Variants in ZNF536 observed in about 807,000 individuals in gnomAD.
ZNF536 encodes the protein zinc finger protein 536.
In ZNF536, 13 loss-of-function variants were observed where a neutral mutation model predicts 84.5. That is an observed-to-expected ratio of 0.15 (90% CI 0.10 to 0.24). The LOEUF (loss-of-function observed/expected upper bound fraction) is 0.24. Ranked by LOEUF, ZNF536 falls within the 10% of genes least tolerant of loss-of-function variation. The pLI, the probability that ZNF536 is intolerant of heterozygous loss-of-function variation, is 1.00. For missense variants in ZNF536, 1,536 were observed against 1,747.5 expected, an observed-to-expected ratio of 0.88 and a Z score of 2.16; for synonymous variants, 811 against 742.5, an observed-to-expected ratio of 1.09 and a Z score of -1.50.
intron 1 of ZNF536, among the ~76,000 whole-genome samples, chr19:30,589,492 T>A (rs1264425582): frequency 1.3e-5 from 2 of 152,202 alleles, no homozygotes; most frequent in African/African-American, 4.8e-5. Flanking sequence ...GAACTGTTGT[T>A]GCTGTTGAAA....
chr19:30,362,350 G>A (rs2048302382), intron 3 of ZNF536, among the ~76,000 whole-genome samples: 1 of 152,216 alleles, frequency 6.6e-6, no homozygotes, highest in Admixed American at 6.5e-5. Flanking sequence ...TGTAAAGGTA[G>A]TCAGCTGGGA....
chr19:30,418,668 C>T (rs538122855), intron 1 of ZNF536, among the ~76,000 whole-genome samples: 2 of 152,084 alleles, frequency 1.3e-5, no homozygotes, highest in Non-Finnish European at 2.9e-5. Context: ...TGGGGTTGGC[C>T]GGGGTTGGAA....
At chr19:30,565,746 T>C (rs1387784114) in intron 1 of ZNF536, among the ~76,000 whole-genome samples, 1 of 152,078 alleles carries the variant, frequency 6.6e-6, no homozygotes, top group Non-Finnish European at 1.5e-5. Flanking sequence ...TTGCTGTCAT[T>C]TTCTACTCTT....
chr19:30,436,607 T>A, intron 1 of ZNF536: 11 of 612,536 alleles, frequency 1.8e-5, no homozygotes, highest in Non-Finnish European at 2.2e-5. Context: ...TGATGTTCTG[T>A]ATTTCAGAAC....
chr19:30,399,453 C>T (rs184773350), intron 1 of ZNF536, among the ~76,000 whole-genome samples: 1 of 152,146 alleles, frequency 6.6e-6, no homozygotes, highest in African/African-American at 2.4e-5. Flanking sequence ...GCTTTTGTTG[C>T]CATTGCTTTT....
chr19:30,691,334 C>T (rs894127235), intron 1 of ZNF536, among the ~76,000 whole-genome samples: 1 of 152,074 alleles, frequency 6.6e-6, no homozygotes, highest in Non-Finnish European at 1.5e-5. Flanking sequence ...GGGGACAAGC[C>T]CGTCCCCGCT....
At position 30,361,395 on chromosome 19, in the gene ZNF536, T is replaced by A. The variant is rs185513240; in HGVS notation, c.-3+8911T>A. Reference sequence around the variant, plus strand: ...TTTTAAGCCTTCTTTTTTTCACTTCTGGAAACAAAAGCTTTATGTCATATT... The same window carrying A: ...TTTTAAGCCTTCTTTTTTTCACTTCAGGAAACAAAAGCTTTATGTCATATT... On this transcript the variant is annotated intron_variant, in intron 3 of 5. Transcript: ENST00000585628. Among the ~76,000 whole-genome samples the A allele has an allele frequency of 4.6e-3, 701 of 152,208 alleles. 4 individuals are homozygous for A. The highest frequency in any genetic ancestry group is 0.017 in the Middle Eastern group (5 of 294).
At chr19:30,242,913 A>G (rs1184510102) in intron 1 of ZNF536, among the ~76,000 whole-genome samples, 1 of 152,046 alleles carries the variant, frequency 6.6e-6, no homozygotes, top group African/African-American at 2.4e-5. Flanking sequence ...TTTTCTCATT[A>G]TTAGGTTTTA....
intron 2 of ZNF536, among the ~76,000 whole-genome samples, chr19:30,342,790 G>A (rs2047604728): frequency 6.6e-6 from 1 of 152,188 alleles, no homozygotes; most frequent in African/African-American, 2.4e-5. Context: ...TTTATTGGCA[G>A]CTTATTTTGA....
intron 1 of ZNF536, among the ~76,000 whole-genome samples, chr19:30,644,804 T>A (rs2049404350): frequency 1.3e-5 from 2 of 152,206 alleles, no homozygotes; most frequent in Admixed American, 6.5e-5. Flanking sequence ...TCTTTCCTAT[T>A]GTGAATAGTG....
intron 3 of ZNF536, among the ~76,000 whole-genome samples, chr19:30,359,750 T>C (rs1183654492): frequency 6.6e-6 from 1 of 152,134 alleles, no homozygotes; most frequent in Non-Finnish European, 1.5e-5. Context: ...CTCCTCTGAG[T>C]CTGATTCTGC....
intron 2 of ZNF536, among the ~76,000 whole-genome samples, chr19:30,504,711 C>T (rs1384717149): frequency 6.6e-6 from 1 of 151,076 alleles, no homozygotes; most frequent in African/African-American, 2.4e-5. Flanking sequence ...ACCCACTGAG[C>T]ATCTGCTTCT....
chr19:30,247,309 A>C (rs920737614), intron 1 of ZNF536, among the ~76,000 whole-genome samples: 1 of 152,212 alleles, frequency 6.6e-6, no homozygotes, highest in African/African-American at 2.4e-5. Context: ...TATTACCTAC[A>C]TGGGATCTGT....
intron 1 of ZNF536, among the ~76,000 whole-genome samples, chr19:30,265,820 G>C (rs1398983831): frequency 1.3e-5 from 2 of 152,152 alleles, no homozygotes; most frequent in Non-Finnish European, 1.5e-5. Flanking sequence ...AGAGCTCCTA[G>C]ATTTTCTTCC....
At chr19:30,280,898 G>A (rs1477317525) in intron 1 of ZNF536, among the ~76,000 whole-genome samples, 1 of 152,170 alleles carries the variant, frequency 6.6e-6, no homozygotes, top group African/African-American at 2.4e-5. Flanking sequence ...GTGGACAGAG[G>A]GGCCCGTGCA....
chr19:30,589,994 GT>G (rs1262574407), intron 1 of ZNF536, among the ~76,000 whole-genome samples: 1 of 152,190 alleles, frequency 6.6e-6, no homozygotes, highest in African/African-American at 2.4e-5. Context: ...ATAGTAAAAT[GT>G]TGATTATATT....
At chr19:30,594,655 C>A (rs559413046) in intron 1 of ZNF536, among the ~76,000 whole-genome samples, 31 of 152,204 alleles carry the variant, frequency 2.0e-4, no homozygotes, top group African/African-American at 7.5e-4. Context: ...GGGGGCACAC[C>A]AGGGCACCCC....
intron 1 of ZNF536, among the ~76,000 whole-genome samples, chr19:30,382,002 T>G (rs894175834): frequency 1.1e-4 from 16 of 152,022 alleles, no homozygotes; most frequent in Admixed American, 5.2e-4. Flanking sequence ...GAGAAGAGAA[T>G]GCTTTCCATT....
intron 2 of ZNF536, among the ~76,000 whole-genome samples, chr19:30,339,512 G>T (rs1163999430): frequency 1.3e-5 from 2 of 152,162 alleles, no homozygotes; most frequent in Non-Finnish European, 2.9e-5. Context: ...TGATGCCCTT[G>T]GTCTCAGGGT....
Sources: allele counts gnomAD v4.1 joint callset (sites outside exome capture counted in the v4.1 genomes callset), GRCh38; gene constraint gnomAD v4.1.1; transcripts MANE v1.5; gene names NCBI Gene and HGNC (gene_info 2026-07-23, HGNC 2026-07-21).